Variants in DNAH17 observed in about 807,000 individuals in gnomAD.
DNAH17 encodes the protein axonemal beta dynein heavy chain 17.
Under a neutral mutation model 485.6 loss-of-function variants are expected in DNAH17, and 376 were observed. The observed-to-expected ratio is 0.77, with a 90% CI of 0.71 to 0.84. DNAH17 has a LOEUF of 0.84. Among genes scored for constraint, DNAH17 ranks in the 40% least tolerant of loss-of-function variants. The probability of loss-of-function intolerance (pLI) is 0.00; values close to 1 mark genes in which losing one functional copy is unlikely to be tolerated. For missense variants in DNAH17, 6,370 were observed against 5,839.3 expected (o/e 1.09, Z -2.96); for synonymous variants, 3,031 against 2,405.9 (o/e 1.26, Z -7.60).
chr17:78,574,888 T>C lies in DNAH17; in HGVS notation c.170A>G (p.Asn57Ser), dbSNP rs376347682. 19 of 1,613,900 alleles carry C rather than the reference T, an allele frequency of 1.2e-5. No individual in the cohort carries two copies. Among genetic ancestry groups the C allele is most frequent in the African/African-American group, 5.3e-5 (4 of 74,922 alleles). Residue 57 changes from asparagine to serine, a missense_variant, in exon 2 of 81, where the codon AAT (asparagine) becomes AGT (serine). Asn to Ser is a conservative substitution (Grantham distance 46). Coordinates refer to ENST00000389840, the MANE Select transcript of DNAH17 (RefSeq NM_173628.4). Reference sequence around the variant, plus strand: ...GCAGGGTATGATCATGCCGGCTGCATTGAGCGTCAGCACCAGCACCTGGAC... The same window carrying C: ...GCAGGGTATGATCATGCCGGCTGCACTGAGCGTCAGCACCAGCACCTGGAC... ...PDVQVLVLTL[N>S]AAGMIIPCLG...
chr17:78,555,599 G>T (rs76148130), intron 14 of DNAH17, among the ~76,000 whole-genome samples: 1 of 148,246 alleles, frequency 6.7e-6, no homozygotes, highest in East Asian at 2.0e-4. Context: ...AGGCATCAGT[G>T]TGATGACGGA....
intron 16 of DNAH17, among the ~76,000 whole-genome samples, chr17:78,544,635 T>C (rs1025013523): frequency 3.9e-5 from 6 of 151,904 alleles, no homozygotes; most frequent in Non-Finnish European, 5.9e-5. Flanking sequence ...ACCCTGTCTC[T>C]ACTAAAAATA....
chr17:78,543,817 G>A (rs765547501), intron 17 of DNAH17, 40 bp downstream of exon 17: 2 of 1,613,658 alleles, frequency 1.2e-6, no homozygotes, highest in Non-Finnish European at 1.7e-6. Context: ...CCTGCTAAAA[G>A]CAAGTGGGTT....
chr17:78,543,235 C>A (rs897203802), intron 17 of DNAH17, among the ~76,000 whole-genome samples: 4 of 152,200 alleles, frequency 2.6e-5, no homozygotes, highest in Non-Finnish European at 5.9e-5. Flanking sequence ...CTGCCTCAGC[C>A]TCCCGAGTAG....
Position 78,530,497 on chromosome 17 carries a change from T to C in DNAH17, c.3130A>G (p.Lys1044Glu), listed in dbSNP as rs754616619. 8 of 1,606,336 alleles carry C rather than the reference T, an allele frequency of 5.0e-6. No homozygotes were observed. The South Asian group carries it at 8.8e-5, about 18-fold the overall frequency. The change falls in exon 21 of 81, where the codon AAG becomes GAG. Residue 1044 changes from lysine (K) to glutamate (E), a missense_variant. Physicochemically the swap from Lys to Glu is moderately conservative, Grantham distance 56. Transcript: ENST00000389840. ...CACTTGGACACCTCCTCATACAGCT[T>C]CTCGTAGGAGTCGATCTGGAAAACA... The part of the protein sequence containing the change: ...QFQEQIDSYE[K>E]LYEEVSKCEN...
intron 58 of DNAH17, 93 bp from the exon 59 acceptor site, chr17:78,460,350 G>A (rs1160815770): frequency 3.0e-6 from 3 of 994,318 alleles, no homozygotes; most frequent in African/African-American, 3.3e-5. Flanking sequence ...GTGTGCATGT[G>A]TGTGCATGTA....
chr17:78,432,934 T>C (rs1320355600), intron 75 of DNAH17, among the ~76,000 whole-genome samples: 1 of 104,562 alleles, frequency 9.6e-6, no homozygotes, highest in African/African-American at 3.7e-5. Context: ...GCCAGCACCG[T>C]TTCTCACCAT....
intron 19 of DNAH17, 99 bp from the exon 20 acceptor site, chr17:78,532,835 G>A (rs1175442392): frequency 9.0e-6 from 12 of 1,339,210 alleles, no homozygotes; most frequent in Middle Eastern, 2.4e-4. Flanking sequence ...CTCTGTTGGC[G>A]AAAGGGCTTC....
At chr17:78,544,598 C>T (rs995836922) in intron 16 of DNAH17, among the ~76,000 whole-genome samples, 6 of 151,880 alleles carry the variant, frequency 4.0e-5, no homozygotes, top group South Asian at 2.1e-4. Context: ...GTCAGGAGAT[C>T]GAGACCATCC....
chr17:78,558,063 ACAATACAAAG>A (rs2092065925), intron 14 of DNAH17, 35 bp downstream of exon 14: 1 of 1,560,556 alleles, frequency 6.4e-7, no homozygotes, highest in Admixed American at 2.0e-5. Context: ...AAAAACCAAA[ACAATACAAAG>A]CTGCATCAGG....
Position 78,529,486 on chromosome 17 carries a change from G to A in DNAH17, c.3493C>T (p.His1165Tyr), listed in dbSNP as rs763500996. Residue 1165 changes from histidine (H) to tyrosine (Y), a missense_variant, in exon 22 of 81, where the codon CAC becomes TAC. By Grantham distance (83) the His-to-Tyr change is moderately conservative. Transcript: ENST00000389840. ...TYGEEMPEEI[H>Y]LKLQELPEHW... is the part of the protein sequence containing the mutation. The stretch of plus-strand genomic sequence containing the variant: ...CCACCACGTACCTGCAGCTTCAAGT[G>A]GATCTCCTCTGGCATCTCCTCCCCG... 2.0e-5 allele frequency: 33 copies of A among 1,613,782 alleles called. No homozygotes were observed. Among genetic ancestry groups the A allele is most frequent in the East Asian group, 8.9e-5 (4 of 44,868 alleles).
chr17:78,494,120 C>G lies in DNAH17; in HGVS notation c.6324G>C (p.Val2108=). 2.5e-6 allele frequency: 4 copies of G among 1,612,862 alleles called. No individual in the cohort carries two copies. The highest frequency in any genetic ancestry group is 3.4e-6 in the Non-Finnish European group (4 of 1,179,832). Residue 2108 remains valine (V), a synonymous_variant, in exon 41 of 81, where the codon GTG becomes GTC. Coordinates refer to ENST00000389840, the MANE Select transcript of DNAH17 (RefSeq NM_173628.4). ...GCTCCTCCAGCTGCACCACCTTCAGCACGAAGCTGTCCTCCGCCTGCAGCT... is the reference window on the plus strand; with the variant it reads ...GCTCCTCCAGCTGCACCACCTTCAGGACGAAGCTGTCCTCCGCCTGCAGCT... ...ELKLQAEDSF[V]LKVVQLEELL...
intron 29 of DNAH17, among the ~76,000 whole-genome samples, chr17:78,507,067 G>A (rs545349691): frequency 7.9e-5 from 12 of 152,172 alleles, no homozygotes; most frequent in African/African-American, 4.8e-5. Context: ...TTTATTCTCC[G>A]GGTCATTGCT....
At chr17:78,524,775 G>A (rs2091021094) in intron 25 of DNAH17, among the ~76,000 whole-genome samples, 1 of 152,152 alleles carries the variant, frequency 6.6e-6, no homozygotes, top group Non-Finnish European at 1.5e-5. Context: ...AAAAGAAAGG[G>A]GGGCAGTCAA....
At chr17:78,456,387 GCATTGACACCCAAGTTGCCCA>G (rs574105149) in intron 62 of DNAH17, among the ~76,000 whole-genome samples, 2,342 of 152,294 alleles carry the variant, frequency 0.015, 71 homozygotes, top group African/African-American at 0.053. Context: ...CAAGTCACCC[GCATTGACACCCAAGTTGCCCA>G]CATTGACACC....
At chr17:78,480,121 G>T (rs957347266) in intron 49 of DNAH17, among the ~76,000 whole-genome samples, 2 of 149,366 alleles carry the variant, frequency 1.3e-5, no homozygotes, top group African/African-American at 5.0e-5. Flanking sequence ...GGCCGAGGAG[G>T]GCAGATCACT....
chr17:78,515,125 G>C (rs551497252), intron 25 of DNAH17, 103 bp from the exon 26 acceptor site: 2 of 1,367,182 alleles, frequency 1.5e-6, no homozygotes, highest in East Asian at 2.4e-5. Context: ...GCAAAGCCCA[G>C]TGAGGAATAT....
At position 78,560,807 on chromosome 17, in the gene DNAH17, T is replaced by C. The variant is rs1266584707; in HGVS notation, c.1964A>G (p.Asn655Ser). 1.9e-6 allele frequency: 3 copies of C among 1,551,848 alleles called. No homozygotes were observed. Among genetic ancestry groups the C allele is most frequent in the Non-Finnish European group, 8.7e-7 (1 of 1,147,162 alleles). Residue 655 changes from asparagine (N) to serine (S), a missense_variant, in exon 13 of 81, where the codon AAC becomes AGC. Transcript: ENST00000389840. ...VAGVDQDCHF[N>S]LGQPLILRDA... Reference sequence around the variant, plus strand: ...CCGCAGAATCAGCGGCTGCCCCAGGTTAAAGTGGCAGTCCTGGTCCACGCC... The same window carrying C: ...CCGCAGAATCAGCGGCTGCCCCAGGCTAAAGTGGCAGTCCTGGTCCACGCC...
At chr17:78,458,024 G>A (rs1232612484) in intron 62 of DNAH17, among the ~76,000 whole-genome samples, 2 of 151,990 alleles carry the variant, frequency 1.3e-5, no homozygotes, top group African/African-American at 2.4e-5. Flanking sequence ...GGCTGGTCTC[G>A]AACTCCTGAC....
Sources: allele counts gnomAD v4.1 joint callset (sites outside exome capture counted in the v4.1 genomes callset), GRCh38; gene constraint gnomAD v4.1.1; transcripts MANE v1.5; gene names NCBI Gene and HGNC (gene_info 2026-07-23, HGNC 2026-07-21).